The following PROM1 variants were observed in gnomAD, a reference collection of about 807,000 sequenced individuals.
PROM1 encodes the protein prominin-1.
A neutral mutation model predicts 116.9 loss-of-function variants in PROM1; 105 were observed. The ratio of observed to expected loss-of-function variants is 0.90; its 90% confidence interval spans 0.77 to 1.06. The LOEUF (loss-of-function observed/expected upper bound fraction) is 1.06. Ranked by LOEUF, PROM1 falls within the 50% of genes least tolerant of loss-of-function variation. The pLI, the probability that PROM1 is intolerant of heterozygous loss-of-function variation, is 0.00. For synonymous variants in PROM1, 393 were observed against 387.0 expected, an observed-to-expected ratio of 1.02 and a Z score of -0.18; for missense variants, 1,122 against 1,045.2, an observed-to-expected ratio of 1.07 and a Z score of -1.01.
intron 2 of PROM1, among the ~76,000 whole-genome samples, chr4:16,068,649 G>A (rs1031525265): frequency 2.0e-5 from 3 of 152,128 alleles, no homozygotes; most frequent in Admixed American, 6.5e-5. Context: ...ATAAAGTGTC[G>A]CTCAATTCTA....
intron 12 of PROM1, among the ~76,000 whole-genome samples, chr4:16,007,465 G>A (rs1343019968): frequency 6.6e-6 from 1 of 152,150 alleles, no homozygotes; most frequent in African/African-American, 2.4e-5. Context: ...TCTGCTTGGT[G>A]CCTCTTGACC....
Position 16,006,574 on chromosome 4 carries a change from C to A in PROM1, c.1418G>T (p.Gly473Val), listed in dbSNP as rs1725549568. 2 of 1,602,106 alleles carry A rather than the reference C, an allele frequency of 1.2e-6. No homozygotes were observed. Among genetic ancestry groups the A allele is most frequent in the East Asian group, 2.3e-5 (1 of 44,324 alleles). The change falls in exon 13 of 28, where the codon GGC becomes GTC. Residue 473 changes from glycine (G) to valine (V), a missense_variant. Gly to Val is a moderately radical substitution (Grantham distance 109). Coordinates refer to ENST00000447510, the MANE Select transcript of PROM1 (RefSeq NM_006017.3). ...GACGCCTCCGGTGTTGGAGACACAG[C>A]CTCGGGTGGTCGGGGTGGCATGCCT... ...YDRHATPTTRGCVSNTGGVFL... is the reference protein window; with the variant it reads ...YDRHATPTTRVCVSNTGGVFL...
In PROM1 at chr4:16,009,087, G is replaced by A. The variant is rs267600054; in HGVS notation, c.1163C>T (p.Ser388Phe). 1.9e-6 allele frequency: 3 copies of A among 1,612,880 alleles called. No homozygotes were observed. Among genetic ancestry groups the A allele is most frequent in the Non-Finnish European group, 2.5e-6 (3 of 1,179,284 alleles). ...VVAGIKRVLNSIGSDIDNVTQ... is the reference protein window; with the variant it reads ...VVAGIKRVLNFIGSDIDNVTQ... ...TACATTGTCGATATCTGAACCAATG[G>A]AATTCAAGACCCTTTTGATACCTGA... Residue 388 changes from serine to phenylalanine, a missense_variant, in exon 12 of 28, where the codon TCC (serine) becomes TTC (phenylalanine). Transcript: ENST00000447510.
At chr4:16,049,412 A>G (rs555342977) in intron 2 of PROM1, among the ~76,000 whole-genome samples, 200 of 152,286 alleles carry the variant, frequency 1.3e-3, no homozygotes, top group Non-Finnish European at 2.2e-3. Context: ...AGGGGAAATG[A>G]TTTTCCTTAT....
At chr4:16,015,691 AAAAAC>A (rs755488493) in intron 10 of PROM1, among the ~76,000 whole-genome samples, 5 of 152,026 alleles carry the variant, frequency 3.3e-5, no homozygotes, top group African/African-American at 4.8e-5. Flanking sequence ...TTCCACCTCA[AAAAAC>A]AAAACAAAAC....
At chr4:16,076,719 G>A (rs1297165983) in intron 1 of PROM1, 1 of 156,086 alleles carries the variant, frequency 6.4e-6, no homozygotes, top group Non-Finnish European at 1.4e-5. Context: ...AGTAGACATA[G>A]GAGACTCCAT....
At chr4:15,997,903 G>A (rs1722725529) in intron 15 of PROM1, among the ~76,000 whole-genome samples, 1 of 152,244 alleles carries the variant, frequency 6.6e-6, no homozygotes, top group East Asian at 1.9e-4. Context: ...CCGTGGAACA[G>A]AGAAGATGTG....
chr4:16,043,256 C>T (rs1303194406), intron 2 of PROM1, among the ~76,000 whole-genome samples: 1 of 152,128 alleles, frequency 6.6e-6, no homozygotes, highest in Non-Finnish European at 1.5e-5. Flanking sequence ...ACAGATAATC[C>T]AGCTTCAGCC....
intron 1 of PROM1, among the ~76,000 whole-genome samples, chr4:16,077,040 C>T (rs922597547): frequency 6.6e-5 from 10 of 152,142 alleles, no homozygotes; most frequent in African/African-American, 1.7e-4. Flanking sequence ...AATATGGCCT[C>T]GTGGGAAGGG....
rs200494191 is a variant in PROM1 at position 16,039,732 on chromosome 4, T to A, written c.221-731A>T. Among the ~76,000 whole-genome samples the A allele has an allele frequency of 3.8e-4, 52 of 136,826 alleles. 2 individuals are homozygous for A. The East Asian group carries it at 0.011, about 29-fold the overall frequency. 89.8% of individuals were successfully genotyped at this position (136,826 alleles called of 152,430 possible). A position where few individuals can be genotyped will look rare whatever the true frequency, so the allele number is the denominator to read the frequency against. On this transcript the variant is annotated intron_variant, in intron 2 of 27. Transcript: ENST00000447510. ...CAGACTGTCAAAAAAAAAAAAAAAA[T>A]TAACCCAACTCGAGTTCTTAACATG...
At chr4:16,017,877 A>G (rs920307500) in intron 9 of PROM1, among the ~76,000 whole-genome samples, 7 of 152,162 alleles carry the variant, frequency 4.6e-5, no homozygotes, top group Admixed American at 3.3e-4. Context: ...ATTAATAGAC[A>G]TGGTCATTTT....
At chr4:16,005,076 C>T (rs138965721) in intron 13 of PROM1, among the ~76,000 whole-genome samples, 1 of 150,524 alleles carries the variant, frequency 6.6e-6, no homozygotes, top group African/African-American at 2.4e-5. Flanking sequence ...GATTCTCGTG[C>T]CTCAGCCTCC....
chr4:16,073,959 G>A (rs1371186582), intron 2 of PROM1, among the ~76,000 whole-genome samples: 1 of 152,064 alleles, frequency 6.6e-6, no homozygotes. Flanking sequence ...AGAGATTATG[G>A]GATTAACTAA....
At position 16,076,063 on chromosome 4, in the gene PROM1, G is replaced by A. The variant is rs1487035003; in HGVS notation, c.-157C>T. ...AGTTTTCTGTCTGAGGCTGGCTTGA[G>A]GCGAGGGATGCGGAAGAATGTTCTC... On this transcript the variant is annotated 5_prime_UTR_variant, in exon 2 of 28. Coordinates refer to ENST00000447510, the MANE Select transcript of PROM1 (RefSeq NM_006017.3). 7.2e-7 allele frequency: 1 copy of A among 1,398,586 alleles called. No individual in the cohort carries two copies. Among genetic ancestry groups the A allele is most frequent in the Non-Finnish European group, 9.4e-7 (1 of 1,066,438 alleles). 86.6% of individuals were successfully genotyped at this position (1,398,586 alleles called of 1,614,324 possible).
At chr4:15,997,196 A>G (rs1312080984) in intron 15 of PROM1, among the ~76,000 whole-genome samples, 1 of 151,416 alleles carries the variant, frequency 6.6e-6, no homozygotes, top group African/African-American at 2.4e-5. Flanking sequence ...ACAGTGAGCT[A>G]AAAGAAATGC....
chr4:16,004,836 C>CTTTCTTTTT (rs1560460117), intron 13 of PROM1, among the ~76,000 whole-genome samples: 44 of 57,584 alleles, frequency 7.6e-4, no homozygotes, highest in African/African-American at 2.1e-3. Flanking sequence ...TCTTTTTCTT[C>CTTTCTTTTT]CTTCCTTCCT....
intron 12 of PROM1, 129 bp from the exon 13 acceptor site, chr4:16,006,819 C>T (rs1725621747): frequency 1.1e-6 from 1 of 890,204 alleles, no homozygotes; most frequent in African/African-American, 1.7e-5. Context: ...CTATCAATTC[C>T]TCAGAGGACA....
Position 16,004,397 on chromosome 4 carries a change from T to C in PROM1, c.1454+2141A>G, listed in dbSNP as rs531324849. The stretch of plus-strand genomic sequence containing the variant: ...CATCAATTTGTTGATGATTTCTCTG[T>C]TTTATTTTTTCTTTCTTTGAAGCTT... On this transcript the variant is annotated intron_variant, in intron 13 of 27. Coordinates refer to ENST00000447510, the MANE Select transcript of PROM1 (RefSeq NM_006017.3). Among the ~76,000 whole-genome samples the C allele has an allele frequency of 1.7e-3, 257 of 152,324 alleles. 1 individual carries two copies. Among genetic ancestry groups the C allele is most frequent in the Non-Finnish European group, 2.8e-3 (188 of 68,032 alleles).
At chr4:16,068,407 G>C (rs1031368643) in intron 2 of PROM1, among the ~76,000 whole-genome samples, 3 of 152,220 alleles carry the variant, frequency 2.0e-5, no homozygotes, top group Non-Finnish European at 4.4e-5. Context: ...CAGGCCAGTT[G>C]CTATTGGCAT....
Sources: gnomAD v4.1 joint callset for allele counts (sites outside exome capture counted in the v4.1 genomes callset) on GRCh38, gnomAD v4.1.1 for gene constraint, MANE v1.5 for transcripts, NCBI Gene and HGNC (gene_info 2026-07-23, HGNC 2026-07-21) for gene names.